SOX5: variants seen among roughly 807,000 people sequenced by gnomAD.
SOX5 encodes the protein transcription factor SOX-5.
A neutral mutation model predicts 92.0 loss-of-function variants in SOX5; 9 were observed. The ratio of observed to expected loss-of-function variants is 0.10; its 90% CI spans 0.06 to 0.17. The LOEUF (loss-of-function observed/expected upper bound fraction) is 0.17. Among genes scored for constraint, SOX5 ranks in the 10% least tolerant of loss-of-function variants. The pLI is 1.00. For missense variants in SOX5, 642 were observed against 944.5 expected (o/e 0.68, Z 4.20); for synonymous variants, 344 against 336.3 (o/e 1.02, Z -0.25).
At chr12:24,373,363 A>C (rs2136283587) in intron 1 of SOX5, among the ~76,000 whole-genome samples, 1 of 152,312 alleles carries the variant, frequency 6.6e-6, no homozygotes, top group East Asian at 1.9e-4. Context: ...GACCAAGTTA[A>C]ATGACCTTCA....
intron 4 of SOX5, among the ~76,000 whole-genome samples, chr12:23,974,187 T>C (rs925434675): frequency 2.0e-5 from 3 of 152,146 alleles, no homozygotes; most frequent in African/African-American, 7.2e-5. Context: ...TGTAAAATAC[T>C]ATGGGTGACA....
intron 3 of SOX5, among the ~76,000 whole-genome samples, chr12:24,268,332 G>A (rs1181369824): frequency 6.6e-6 from 1 of 152,072 alleles, no homozygotes; most frequent in Admixed American, 6.5e-5. Context: ...GGGTATGGTA[G>A]CATTAGATTT....
At chr12:23,820,815 G>C (rs1368127136) in intron 3 of SOX5, among the ~76,000 whole-genome samples, 1 of 152,084 alleles carries the variant, frequency 6.6e-6, no homozygotes, top group Non-Finnish European at 1.5e-5. Context: ...GTGGTGTTTT[G>C]GTTACTACAG....
chr12:24,359,554 A>G (rs1418867291), intron 2 of SOX5, among the ~76,000 whole-genome samples: 1 of 152,202 alleles, frequency 6.6e-6, no homozygotes, highest in Non-Finnish European at 1.5e-5. Flanking sequence ...CCTTAGCCAT[A>G]CTTTTGGGAA....
At chr12:24,446,202 A>G (rs895161946) in intron 1 of SOX5, among the ~76,000 whole-genome samples, 1 of 152,200 alleles carries the variant, frequency 6.6e-6, no homozygotes, top group Non-Finnish European at 1.5e-5. Flanking sequence ...TGACTAATAA[A>G]TTATTAAGAA....
chr12:24,332,584 A>T (rs1595675853), intron 2 of SOX5, among the ~76,000 whole-genome samples: 1 of 152,148 alleles, frequency 6.6e-6, no homozygotes, highest in African/African-American at 2.4e-5. Context: ...ATCTAAAAAT[A>T]AAAAATAAAA....
intron 6 of SOX5, among the ~76,000 whole-genome samples, chr12:23,676,166 T>G (rs764729186): frequency 2.0e-5 from 3 of 152,242 alleles, no homozygotes; most frequent in Middle Eastern, 3.4e-3. Context: ...ATGAGAGCGA[T>G]AATTAATAAA....
Position 23,704,713 on chromosome 12 carries a change from T to TATATATATATATAC in SOX5, c.810+29970_810+29971insGTATATATATATAT, listed in dbSNP as rs1305435619. On this transcript the variant is annotated intron_variant, in intron 6 of 14. Coordinates refer to ENST00000451604, the MANE Select transcript of SOX5 (RefSeq NM_006940.6). ...ATATATATATATATATATATATATA[T>TATATATATATATAC]ATACACACACACACACACATACACA... Among the ~76,000 whole-genome samples the TATATATATATATAC allele has an allele frequency of 2.8e-4, 25 of 89,064 alleles. No homozygotes were observed. In the East Asian group the frequency reaches 6.0e-3, roughly 21 times the overall value. The allele number at this position is 89,064 out of a possible 152,430, so 58.4% of individuals were successfully genotyped here. A position where few individuals can be genotyped will look rare whatever the true frequency, so the allele number is the denominator to read the frequency against.
intron 8 of SOX5, among the ~76,000 whole-genome samples, chr12:23,609,682 ATTTC>A (rs1406914956): frequency 1.4e-5 from 2 of 146,890 alleles, no homozygotes; most frequent in Non-Finnish European, 3.0e-5. Flanking sequence ...TTTTTCTTTT[ATTTC>A]TTTCTTTCCT....
intron 6 of SOX5, among the ~76,000 whole-genome samples, chr12:23,696,428 T>A (rs2089874016): frequency 6.6e-6 from 1 of 152,170 alleles, no homozygotes; most frequent in African/African-American, 2.4e-5. Flanking sequence ...TAACAGCCCC[T>A]GGTTTTATGG....
chr12:24,491,764 A>T (rs189257574), intron 1 of SOX5, among the ~76,000 whole-genome samples: 1 of 152,286 alleles, frequency 6.6e-6, no homozygotes, highest in African/African-American at 2.4e-5. Flanking sequence ...ATGTAGTGGA[A>T]CTCAGTCTAT....
intron 2 of SOX5, among the ~76,000 whole-genome samples, chr12:23,889,619 G>T (rs571386100): frequency 6.6e-6 from 1 of 152,226 alleles, no homozygotes; most frequent in East Asian, 1.9e-4. Context: ...AGTGTTTAAG[G>T]TTGGATTTCA....
intron 4 of SOX5, among the ~76,000 whole-genome samples, chr12:24,183,671 C>A (rs1271404077): frequency 6.6e-6 from 1 of 152,160 alleles, no homozygotes; most frequent in Non-Finnish European, 1.5e-5. Flanking sequence ...TCCAAAACTT[C>A]TTCCTGAAAG....
intron 1 of SOX5, among the ~76,000 whole-genome samples, chr12:24,392,606 C>T (rs892844228): frequency 4.6e-5 from 7 of 152,084 alleles, no homozygotes; most frequent in Non-Finnish European, 1.0e-4. Flanking sequence ...CAACCCTACC[C>T]TCACCCTGTT....
At position 23,696,212 on chromosome 12, in the gene SOX5, T is replaced by TC. The variant is rs576204390; in HGVS notation, c.811-30649dup. Among the ~76,000 whole-genome samples the TC allele has an allele frequency of 3.7e-4, 57 of 152,150 alleles. 2 individuals are homozygous for TC. The South Asian group carries it at 5.6e-3, about 15-fold the overall frequency. ...TTTGTATAAAATTGGCATTTTTTTT[T>TC]CTTAAATATTTTTACAATTCACCAA... On this transcript the variant is annotated intron_variant, in intron 6 of 14. Transcript: ENST00000451604.
At chr12:23,820,954 T>C (rs1234990432) in intron 3 of SOX5, among the ~76,000 whole-genome samples, 2 of 152,220 alleles carry the variant, frequency 1.3e-5, no homozygotes, top group African/African-American at 4.8e-5. Flanking sequence ...TTTCTAATTC[T>C]GTGAAGAAAG....
chr12:24,379,007 C>T (rs967907473), intron 1 of SOX5, among the ~76,000 whole-genome samples: 1 of 152,214 alleles, frequency 6.6e-6, no homozygotes, highest in African/African-American at 2.4e-5. Flanking sequence ...CCAACTGCAG[C>T]CCATACTGTC....
At chr12:24,252,144 C>A (rs79655839) in intron 3 of SOX5, among the ~76,000 whole-genome samples, 2,604 of 152,216 alleles carry the variant, frequency 0.017, 77 homozygotes, top group African/African-American at 0.059. Flanking sequence ...CACAAATGAG[C>A]ACATTCCTTA....
intron 4 of SOX5, among the ~76,000 whole-genome samples, chr12:24,202,324 C>A (rs1957601186): frequency 6.6e-6 from 1 of 152,148 alleles, no homozygotes; most frequent in South Asian, 2.1e-4. Context: ...TTAAGGCACA[C>A]AATTTTTATC....
Sources: allele counts gnomAD v4.1 joint callset (sites outside exome capture counted in the v4.1 genomes callset), GRCh38; gene constraint gnomAD v4.1.1; transcripts MANE v1.5; gene names NCBI Gene and HGNC (gene_info 2026-07-23, HGNC 2026-07-21).